Variants in NAV2 observed in about 807,000 individuals in gnomAD.
NAV2 encodes the protein neuron navigator 2.
Under a neutral mutation model 223.2 loss-of-function variants are expected in NAV2, and 54 were observed. That is an observed-to-expected ratio of 0.24 (90% CI 0.19 to 0.30). NAV2 has a LOEUF of 0.30. NAV2 is among the 10% of genes least tolerant of loss of function. The pLI, the probability that NAV2 is intolerant of heterozygous loss-of-function variation, is 1.00. For missense variants in NAV2, 2,806 were observed against 3,147.5 expected (o/e 0.89, Z 2.60); for synonymous variants, 1,279 against 1,239.3 (o/e 1.03, Z -0.67).
chr11:20,090,411 T>C (rs144357078), intron 26 of NAV2, among the ~76,000 whole-genome samples: 1 of 152,246 alleles, frequency 6.6e-6, no homozygotes, highest in Non-Finnish European at 1.5e-5. Flanking sequence ...CCAAAGCCAT[T>C]CTGATTGCCA....
intron 9 of NAV2, 118 bp from the exon 10 acceptor site, chr11:19,948,573 C>G: frequency 8.9e-7 from 1 of 1,122,062 alleles, no homozygotes; most frequent in Non-Finnish European, 1.2e-6. Context: ...TGGGGGCTGG[C>G]TGTTTTATCC....
chr11:19,800,801 G>A (rs973419721), intron 1 of NAV2, among the ~76,000 whole-genome samples: 4 of 152,048 alleles, frequency 2.6e-5, no homozygotes, highest in Non-Finnish European at 4.4e-5. Context: ...ATGTGAAGGT[G>A]TGTGGAAGCA....
At chr11:19,955,994 G>A (rs1038937231) in intron 10 of NAV2, among the ~76,000 whole-genome samples, 1 of 152,130 alleles carries the variant, frequency 6.6e-6, no homozygotes, top group Admixed American at 6.6e-5. Flanking sequence ...ATAGATTCTC[G>A]TTTCTCTAGG....
At chr11:19,668,825 C>G (rs925680707) in intron 1 of NAV2, among the ~76,000 whole-genome samples, 3 of 152,128 alleles carry the variant, frequency 2.0e-5, no homozygotes, top group Admixed American at 6.5e-5. Context: ...ATCCCTGGCT[C>G]TCTCCCTTAG....
rs1003306105 is a variant in NAV2 at position 19,946,611 on chromosome 11, A to G, written c.2255+102A>G. On this transcript the variant is annotated intron_variant, in intron 9 of 37. Transcript: ENST00000349880. ...AAGCGATTTGGTTATAATGGATCATAGCCTCGCTTTCCAAATGTGCCGGAA... is the reference window on the plus strand; with the variant it reads ...AAGCGATTTGGTTATAATGGATCATGGCCTCGCTTTCCAAATGTGCCGGAA... 4 of 937,056 alleles carry G rather than the reference A, an allele frequency of 4.3e-6. No individual in the cohort carries two copies. In the African/African-American group the frequency reaches 5.0e-5, roughly 12 times the overall value. 58.0% of individuals were successfully genotyped at this position (937,056 alleles called of 1,614,324 possible). A position where few individuals can be genotyped will look rare whatever the true frequency, so the allele number is the denominator to read the frequency against.
intron 1 of NAV2, among the ~76,000 whole-genome samples, chr11:19,438,469 A>G (rs1851286735): frequency 6.6e-6 from 1 of 152,136 alleles, no homozygotes; most frequent in African/African-American, 2.4e-5. Context: ...AGCTACTATG[A>G]TCTGTTTTTA....
chr11:20,043,639 G>C (rs930552354), intron 12 of NAV2, among the ~76,000 whole-genome samples: 1 of 152,064 alleles, frequency 6.6e-6, no homozygotes, highest in Non-Finnish European at 1.5e-5. Context: ...ATGGGGTTTT[G>C]CCATGATGCC....
chr11:19,991,035 A>C (rs1355736550), intron 11 of NAV2, among the ~76,000 whole-genome samples: 1 of 152,224 alleles, frequency 6.6e-6, no homozygotes, highest in Non-Finnish European at 1.5e-5. Context: ...GGCAGTATTC[A>C]TACCTGTCTC....
Position 19,985,871 on chromosome 11 carries a change from C to T in NAV2, c.2768+1624C>T, listed in dbSNP as rs189709699. 1.3e-3 allele frequency among the ~76,000 whole-genome samples: 192 copies of T among 152,174 alleles called. 1 individual carries two copies. The highest frequency in any genetic ancestry group is 4.0e-3 in the African/African-American group (167 of 41,526). On this transcript the variant is annotated intron_variant, in intron 11 of 37. Transcript: ENST00000349880. The stretch of plus-strand genomic sequence containing the variant: ...GATTACAGGCGTGAGCCACTGCGCC[C>T]GGGCTGAGAACTGCTCTTACTAAGG...
At position 19,937,425 on chromosome 11, in the gene NAV2, T is replaced by A. The variant is rs183680285; in HGVS notation, c.2034-2236T>A. On this transcript the variant is annotated intron_variant, in intron 7 of 37. Transcript: ENST00000349880. ...GTAAAGGGAAGATGGGTCATTTTTT[T>A]AAAAATCACTCAGAATGAATTATAT... is the stretch of plus-strand genomic sequence containing the variant. Among the ~76,000 whole-genome samples the A allele has an allele frequency of 5.3e-4, 80 of 152,192 alleles. 1 individual carries two copies. Among genetic ancestry groups the A allele is most frequent in the East Asian group, 2.9e-3 (15 of 5,184 alleles).
chr11:19,801,424 G>T (rs1349839459), intron 1 of NAV2, among the ~76,000 whole-genome samples: 3 of 152,218 alleles, frequency 2.0e-5, no homozygotes, highest in Non-Finnish European at 2.9e-5. Flanking sequence ...GCCCAGCATT[G>T]CTTCAGATTG....
intron 1 of NAV2, among the ~76,000 whole-genome samples, chr11:19,663,736 C>T (rs1047919425): frequency 8.5e-5 from 13 of 152,194 alleles, no homozygotes; most frequent in African/African-American, 2.9e-4. Flanking sequence ...TCAAGTCTCC[C>T]CAGCCCTTTG....
chr11:19,824,277 T>C (rs1489227248), intron 1 of NAV2, among the ~76,000 whole-genome samples: 1 of 152,050 alleles, frequency 6.6e-6, no homozygotes, highest in East Asian at 1.9e-4. Context: ...AAAGCCAGAG[T>C]TCAACCCTGG....
chr11:19,844,239 A>G (rs989222109), intron 3 of NAV2, among the ~76,000 whole-genome samples: 1 of 152,244 alleles, frequency 6.6e-6, no homozygotes. Context: ...TAGTGCAGGC[A>G]TGCTGCACAT....
chr11:19,780,361 C>T (rs1270165139), intron 1 of NAV2, among the ~76,000 whole-genome samples: 1 of 151,940 alleles, frequency 6.6e-6, no homozygotes, highest in South Asian at 2.1e-4. Context: ...TTACCACCTT[C>T]CCTCCACACC....
intron 1 of NAV2, among the ~76,000 whole-genome samples, chr11:19,662,196 A>G (rs2048301907): frequency 6.6e-6 from 1 of 152,230 alleles, no homozygotes; most frequent in Non-Finnish European, 1.5e-5. Context: ...TTAATAGAAA[A>G]AAAGGTGAAA....
At chr11:19,823,499 T>C (rs763369547) in intron 1 of NAV2, among the ~76,000 whole-genome samples, 6 of 152,114 alleles carry the variant, frequency 3.9e-5, no homozygotes, top group Non-Finnish European at 8.8e-5. Flanking sequence ...TGAGCCACCG[T>C]GCCCAGCCTA....
intron 26 of NAV2, among the ~76,000 whole-genome samples, chr11:20,089,265 A>G (rs1168293316): frequency 2.0e-5 from 3 of 152,218 alleles, no homozygotes; most frequent in Non-Finnish European, 4.4e-5. Flanking sequence ...TTTTAAAAAC[A>G]TAAGGTGGTT....
At chr11:19,436,253 A>G (rs961079060) in intron 1 of NAV2, among the ~76,000 whole-genome samples, 1 of 152,172 alleles carries the variant, frequency 6.6e-6, no homozygotes, top group Non-Finnish European at 1.5e-5. Context: ...ATTCTTATAT[A>G]TGGCATAAGT....
Sources: gnomAD v4.1 joint callset for allele counts (sites outside exome capture counted in the v4.1 genomes callset) on GRCh38, gnomAD v4.1.1 for gene constraint, MANE v1.5 for transcripts, NCBI Gene and HGNC (gene_info 2026-07-23, HGNC 2026-07-21) for gene names.